Variants in BPIFB6 observed in about 807,000 individuals in gnomAD.
BPIFB6 encodes the protein BPI fold-containing family B member 6.
In BPIFB6, 47 loss-of-function variants were observed where a neutral mutation model predicts 54.7. The ratio of observed to expected loss-of-function variants is 0.86; its 90% CI spans 0.68 to 1.10. The LOEUF is 1.10. BPIFB6 is among the 50% of genes least tolerant of loss of function. The pLI is 0.00. For synonymous variants in BPIFB6, 255 were observed against 225.9 expected, an observed-to-expected ratio of 1.13 and a Z score of -1.16; for missense variants, 603 against 564.1, an observed-to-expected ratio of 1.07 and a Z score of -0.70.
chr20:33,042,734 C>T lies in BPIFB6; in HGVS notation c.1189-81C>T, dbSNP rs115683029. 2,209 of 1,359,250 alleles carry T rather than the reference C, an allele frequency of 1.6e-3. 27 individuals are homozygous for T. The African/African-American group carries it at 0.028, about 17-fold the overall frequency. 84.2% of individuals were successfully genotyped at this position (1,359,250 alleles called of 1,614,324 possible). On this transcript the variant is annotated intron_variant, in intron 12 of 14. Coordinates refer to ENST00000349552, the MANE Select transcript of BPIFB6 (RefSeq NM_174897.2). ...ATATTCACTTCTGTGGTCCCCAGGC[C>T]TAGCCAGAGAGGGCTGAAAAGATCT...
At chr20:33,041,297 G>A (rs920149091) in intron 11 of BPIFB6, among the ~76,000 whole-genome samples, 14 of 152,062 alleles carry the variant, frequency 9.2e-5, no homozygotes, top group Non-Finnish European at 1.8e-4. Context: ...CCTAACTTTA[G>A]GGGTAGCTCT....
At chr20:33,044,092 C>A (rs1374309494), downstream of BPIFB6, 4 of 1,611,910 alleles carry the variant, frequency 2.5e-6, no homozygotes, top group East Asian at 2.2e-5. Context: ...CCACCAACCA[C>A]CTGCACCCCA....
At chr20:33,036,651 C>T (rs1043698055) in intron 7 of BPIFB6, 115 bp downstream of exon 7, 4 of 1,006,086 alleles carry the variant, frequency 4.0e-6, no homozygotes, top group Admixed American at 3.6e-5. Flanking sequence ...AGGGAGGCCC[C>T]TCAAGCCGTG....
chr20:33,035,422 TTGATTTGGTCAACAGATC>T (rs1979294316), intron 5 of BPIFB6, among the ~76,000 whole-genome samples, 172 bp from the exon 6 acceptor site: 1 of 152,138 alleles, frequency 6.6e-6, no homozygotes, highest in Non-Finnish European at 1.5e-5. Flanking sequence ...TTTGCAGACT[TTGATTTGGTCAACAGATC>T]TGGACTCTAG....
At chr20:33,032,405 TC>T (rs533419608) in intron 1 of BPIFB6, among the ~76,000 whole-genome samples, 5 of 152,114 alleles carry the variant, frequency 3.3e-5, no homozygotes, top group Admixed American at 6.5e-5. Flanking sequence ...GTTTGGGGAA[TC>T]AGAATTTCTC....
chr20:33,036,941 C>G (rs1979368612), intron 7 of BPIFB6, among the ~76,000 whole-genome samples: 1 of 152,208 alleles, frequency 6.6e-6, no homozygotes, highest in South Asian at 2.1e-4. Context: ...GCTCCATTAC[C>G]TGGCCTCCTG....
chr20:33,040,062 G>A (rs908962519), intron 10 of BPIFB6, among the ~76,000 whole-genome samples, 189 bp from the exon 11 acceptor site: 3 of 152,206 alleles, frequency 2.0e-5, no homozygotes, highest in Non-Finnish European at 4.4e-5. Context: ...AGGACAAGGA[G>A]GGATGAGAAG....
intron 5 of BPIFB6, 127 bp from the exon 6 acceptor site, chr20:33,035,485 G>T (rs1232852480): frequency 3.2e-6 from 3 of 945,942 alleles, no homozygotes; most frequent in Non-Finnish European, 5.1e-6. Context: ...GTGGGACTTG[G>T]GACCTCAGTT....
chr20:33,033,057 G>A lies in BPIFB6; in HGVS notation c.171G>A (p.Gly57=), dbSNP rs1274321155. The A allele has an allele frequency of 3.7e-6, 6 of 1,613,870 alleles. No homozygotes were observed. Among genetic ancestry groups the A allele is most frequent in the Non-Finnish European group, 4.2e-6 (5 of 1,179,908 alleles). ...CCGAGGCAGGCAAGAAACAGCCAGG[G>A]ATGAAACCTATCAAGGGCATCACCA... ...MAAEAGKKQP[G]MKPIKGITNL... is the part of the protein sequence containing the mutation. Residue 57 remains glycine (G), a synonymous_variant, in exon 2 of 15, where the codon GGG becomes GGA. Coordinates refer to ENST00000349552, the MANE Select transcript of BPIFB6 (RefSeq NM_174897.2).
At chr20:33,036,045 C>T (rs1045766923) in intron 6 of BPIFB6, among the ~76,000 whole-genome samples, 9 of 152,032 alleles carry the variant, frequency 5.9e-5, no homozygotes, top group Admixed American at 2.6e-4. Context: ...TTTTGGGTCC[C>T]AAAGCAGGAG....
At chr20:33,039,558 C>T in intron 10 of BPIFB6, 38 bp downstream of exon 10, 2 of 1,577,840 alleles carry the variant, frequency 1.3e-6, no homozygotes, top group East Asian at 4.5e-5. Flanking sequence ...TATTCCCAAT[C>T]TCTTGGATAT....
intron 10 of BPIFB6, 45 bp from the exon 11 acceptor site, chr20:33,040,206 T>TG: frequency 1.9e-6 from 3 of 1,578,534 alleles, no homozygotes; most frequent in Non-Finnish European, 2.6e-6. Context: ...GCCCTGATGG[T>TG]GGGGAACCCA....
intron 12 of BPIFB6, 103 bp downstream of exon 12, chr20:33,042,118 C>G: frequency 8.3e-7 from 1 of 1,202,948 alleles, no homozygotes; most frequent in East Asian, 2.4e-5. Flanking sequence ...GGCAGATGAA[C>G]AGAGCAAGGC....
In BPIFB6 at chr20:33,041,989, A is replaced by C; in HGVS notation, c.1162A>C (p.Lys388Gln). 1 of 1,614,146 alleles carries C rather than the reference A, an allele frequency of 6.2e-7. No homozygotes were observed. The highest frequency in any genetic ancestry group is 1.3e-5 in the African/African-American group (1 of 75,036). ...CCACAGATTACTGAGCTTGTCCCGG[A>C]AGTCCTCATCGATTGGCAACTTCAA... Reference protein sequence around the residue: ...SLDRLLSLSRKSSSIGNFNER... With the variant: ...SLDRLLSLSRQSSSIGNFNER... Residue 388 changes from lysine to glutamine, a missense_variant, in exon 12 of 15, where the codon AAG becomes CAG. By Grantham distance (53) the Lys-to-Gln change is moderately conservative. Transcript: ENST00000349552.
At chr20:33,041,923 C>T (rs200861327) in intron 11 of BPIFB6, 47 bp from the exon 12 acceptor site, 2 of 1,588,610 alleles carry the variant, frequency 1.3e-6, no homozygotes, top group African/African-American at 1.3e-5. Flanking sequence ...CTGGCTCTGA[C>T]CGTTCTTTCC....
chr20:33,037,490 G>A, intron 7 of BPIFB6, 72 bp from the exon 8 acceptor site: 2 of 1,454,324 alleles, frequency 1.4e-6, no homozygotes, highest in Non-Finnish European at 1.9e-6. Flanking sequence ...CCATTTGCTT[G>A]GAGGACTGAG....
chr20:33,038,842 T>G, intron 8 of BPIFB6, 67 bp from the exon 9 acceptor site: 1 of 1,434,152 alleles, frequency 7.0e-7, no homozygotes, highest in Non-Finnish European at 9.8e-7. Context: ...GTTAAGTCAG[T>G]GGAGATGTTT....
chr20:33,043,198 C>A, intron 13 of BPIFB6, 93 bp from the exon 14 acceptor site: 2 of 1,092,300 alleles, frequency 1.8e-6, no homozygotes, highest in South Asian at 1.3e-5. Flanking sequence ...GAATCAATCA[C>A]TGCACTATTT....
At chr20:33,036,561 G>T (rs764323488) in intron 7 of BPIFB6, 25 bp downstream of exon 7, 6 of 1,594,242 alleles carry the variant, frequency 3.8e-6, no homozygotes, top group Middle Eastern at 1.7e-4. Flanking sequence ...CCACCTGGGA[G>T]CTGGGGTCTC....
Sources: allele counts gnomAD v4.1 joint callset (sites outside exome capture counted in the v4.1 genomes callset), GRCh38; gene constraint gnomAD v4.1.1; transcripts MANE v1.5; gene names NCBI Gene and HGNC (gene_info 2026-07-23, HGNC 2026-07-21).